The following ARHGAP12 variants were observed in gnomAD, a reference collection of about 807,000 sequenced individuals.
The protein encoded by ARHGAP12 is Rho GTPase activating protein 12.
A neutral mutation model predicts 108.6 loss-of-function variants in ARHGAP12; 64 were observed. The observed-to-expected ratio is 0.59, with a 90% CI of 0.48 to 0.73. The LOEUF is 0.73. ARHGAP12 is among the 30% of genes least tolerant of loss of function. The pLI is 0.00. For synonymous variants in ARHGAP12, 312 were observed against 337.2 expected (o/e 0.93, Z 0.82); for missense variants, 940 against 1,005.9 (o/e 0.93, Z 0.89).
At chr10:31,837,029 T>C (rs1002879365) in intron 9 of ARHGAP12, among the ~76,000 whole-genome samples, 3 of 152,184 alleles carry the variant, frequency 2.0e-5, no homozygotes, top group Non-Finnish European at 2.9e-5. Flanking sequence ...CGGCATGGTC[T>C]AGCTGCTGTC....
intron 15 of ARHGAP12, among the ~76,000 whole-genome samples, chr10:31,811,218 T>C (rs1835004149): frequency 6.6e-6 from 1 of 152,254 alleles, no homozygotes; most frequent in South Asian, 2.1e-4. Context: ...AAGGACCATG[T>C]AGTTCCTGAA....
At chr10:31,889,571 G>A (rs1838327999) in intron 3 of ARHGAP12, among the ~76,000 whole-genome samples, 1 of 142,262 alleles carries the variant, frequency 7.0e-6, no homozygotes, top group Non-Finnish European at 1.5e-5. Context: ...TTTATCTTCT[G>A]TGATTAATGA....
rs374495749 is a variant in ARHGAP12 at position 31,809,199 on chromosome 10, A to C, written c.2128+31T>G. The C allele has an allele frequency of 2.5e-6, 4 of 1,613,224 alleles. No individual in the cohort carries two copies. In the African/African-American group the frequency reaches 5.3e-5, roughly 22 times the overall value. On this transcript the variant is annotated intron_variant, in intron 17 of 19. Coordinates refer to ENST00000344936, the MANE Select transcript of ARHGAP12 (RefSeq NM_018287.7). Reference sequence around the variant, plus strand: ...CAGTTCAAAAAGTTATGAGTGATGCATCTGAATAACAACAGTAAATATAAT... The same window carrying C: ...CAGTTCAAAAAGTTATGAGTGATGCCTCTGAATAACAACAGTAAATATAAT...
intron 4 of ARHGAP12, 23 bp downstream of exon 4, chr10:31,861,372 G>A: frequency 6.4e-7 from 1 of 1,572,154 alleles, no homozygotes; most frequent in Non-Finnish European, 8.6e-7. Flanking sequence ...GTAACTTGCA[G>A]TTGATTCCTT....
At chr10:31,902,072 A>C (rs1485344976) in intron 3 of ARHGAP12, among the ~76,000 whole-genome samples, 1 of 152,206 alleles carries the variant, frequency 6.6e-6, no homozygotes, top group African/African-American at 2.4e-5. Flanking sequence ...CTACCACAAT[A>C]GCTAAAACAA....
chr10:31,871,323 A>T (rs1175197545), intron 3 of ARHGAP12, among the ~76,000 whole-genome samples: 5 of 152,206 alleles, frequency 3.3e-5, no homozygotes, highest in African/African-American at 1.2e-4. Flanking sequence ...TTTCATGGTA[A>T]ACACATAATT....
At chr10:31,922,180 C>CAAAAAA (rs56210740) in intron 1 of ARHGAP12, among the ~76,000 whole-genome samples, 10 of 66,132 alleles carry the variant, frequency 1.5e-4, no homozygotes, top group African/African-American at 1.9e-4. Flanking sequence ...GACCCTGCCT[C>CAAAAAA]AAAAAAAAAA....
At chr10:31,841,505 A>G (rs894199718) in intron 7 of ARHGAP12, among the ~76,000 whole-genome samples, 2 of 152,190 alleles carry the variant, frequency 1.3e-5, no homozygotes, top group African/African-American at 4.8e-5. Flanking sequence ...GCACAGAGGC[A>G]TCTAGCCCCA....
Position 31,805,534 on chromosome 10 carries a change from AAAC to A in ARHGAP12, c.*2121_*2123del, listed in dbSNP as rs1401560824. The A allele has an allele frequency of 6.6e-6, 1 of 152,164 alleles. No homozygotes were observed. The highest frequency in any genetic ancestry group is 2.4e-5 in the African/African-American group (1 of 41,440). The allele number at this position is 152,164 out of a possible 1,614,324, so 9.4% of individuals were successfully genotyped here. A position where few individuals can be genotyped will look rare whatever the true frequency, so the allele number is the denominator to read the frequency against. On this transcript the variant is annotated 3_prime_UTR_variant, in exon 20 of 20. Transcript: ENST00000344936. ...AAATATTACTAGCTTTGTTATTACAAAACAAGTGAGAATTTTTAATTCACAAAG... is the reference window on the plus strand; with the variant it reads ...AAATATTACTAGCTTTGTTATTACAAAAGTGAGAATTTTTAATTCACAAAG...
At chr10:31,894,621 A>C (rs928336994) in intron 3 of ARHGAP12, among the ~76,000 whole-genome samples, 8 of 152,260 alleles carry the variant, frequency 5.3e-5, no homozygotes, top group African/African-American at 1.9e-4. Context: ...ATGGAAGAAC[A>C]TTCCATGCTC....
intron 13 of ARHGAP12, 130 bp from the exon 14 acceptor site, chr10:31,814,491 T>C (rs1835131209): frequency 1.5e-6 from 1 of 686,330 alleles, no homozygotes; most frequent in East Asian, 2.6e-5. Flanking sequence ...TAGTATACAG[T>C]ATGTATGACT....
intron 3 of ARHGAP12, among the ~76,000 whole-genome samples, chr10:31,893,555 G>C (rs952184827): frequency 1.1e-4 from 13 of 118,038 alleles, no homozygotes; most frequent in Non-Finnish European, 1.8e-4. Context: ...GGAAGAAGTT[G>C]AATCTCTGAA....
chr10:31,894,188 A>G (rs1234518312), intron 3 of ARHGAP12, among the ~76,000 whole-genome samples: 1 of 152,226 alleles, frequency 6.6e-6, no homozygotes, highest in Non-Finnish European at 1.5e-5. Flanking sequence ...AAACTGGCAC[A>G]AGACAGGCAT....
intron 3 of ARHGAP12, among the ~76,000 whole-genome samples, chr10:31,889,619 G>GTTTTTTTTTTTTTTTTTTTTTTT (rs869116452): frequency 9.0e-5 from 6 of 66,420 alleles, no homozygotes; most frequent in Non-Finnish European, 1.3e-4. Flanking sequence ...AATTTTTCTC[G>GTTTTTTTTTTTTTTTTTTTTTTT]TTTTTTTTTT....
At chr10:31,814,108 G>A (rs1009900344) in intron 14 of ARHGAP12, 151 bp downstream of exon 14, 3 of 636,866 alleles carry the variant, frequency 4.7e-6, no homozygotes, top group Non-Finnish European at 8.4e-6. Context: ...AGAAGAAAGA[G>A]CGCTGACACA....
At chr10:31,816,469 TCTGA>T (rs983623678) in intron 13 of ARHGAP12, among the ~76,000 whole-genome samples, 2 of 152,194 alleles carry the variant, frequency 1.3e-5, no homozygotes, top group African/African-American at 4.8e-5. Context: ...AAGTGCAGTA[TCTGA>T]CTGTGTGCTG....
At chr10:31,814,546 T>C (rs1475917674) in intron 13 of ARHGAP12, among the ~76,000 whole-genome samples, 185 bp from the exon 14 acceptor site, 1 of 152,166 alleles carries the variant, frequency 6.6e-6, no homozygotes, top group African/African-American at 2.4e-5. Context: ...TGGCATCAAT[T>C]TTGATTTTTT....
intron 3 of ARHGAP12, among the ~76,000 whole-genome samples, chr10:31,895,899 C>G (rs181105900): frequency 0.024 from 3,649 of 152,198 alleles, 159 homozygotes; most frequent in African/African-American, 0.082. Context: ...CCATGGAATA[C>G]TATGCAGCCA....
intron 3 of ARHGAP12, among the ~76,000 whole-genome samples, chr10:31,869,509 C>G (rs1300388298): frequency 6.6e-6 from 1 of 151,876 alleles, no homozygotes; most frequent in Non-Finnish European, 1.5e-5. Flanking sequence ...TGCACTCCAG[C>G]CTGGGTAACA....
Sources: gnomAD v4.1 joint callset for allele counts (sites outside exome capture counted in the v4.1 genomes callset) on GRCh38, gnomAD v4.1.1 for gene constraint, MANE v1.5 for transcripts, NCBI Gene and HGNC (gene_info 2026-07-23, HGNC 2026-07-21) for gene names.